Variants in FAT3 observed in about 807,000 individuals in gnomAD.
FAT3 encodes protocadherin Fat 3.
In FAT3, 95 loss-of-function variants were observed where a neutral mutation model predicts 310.2. The observed-to-expected ratio is 0.31, with a 90% CI of 0.26 to 0.36. The LOEUF is 0.36. FAT3 is among the 10% of genes least tolerant of loss of function. The pLI, the probability that FAT3 is intolerant of heterozygous loss-of-function variation, is 1.00. For synonymous variants in FAT3, 2,314 were observed against 2,192.9 expected, an observed-to-expected ratio of 1.06 and a Z score of -1.54; for missense variants, 5,408 against 5,715.6, an observed-to-expected ratio of 0.95 and a Z score of 1.74.
At chr11:92,693,639 A>T (rs762728449) in intron 3 of FAT3, among the ~76,000 whole-genome samples, 1 of 152,186 alleles carries the variant, frequency 6.6e-6, no homozygotes, top group African/African-American at 2.4e-5. Flanking sequence ...CTGACTGTAA[A>T]AAATGGCAGT....
At chr11:92,330,061 A>G (rs1947872739) in intron 1 of FAT3, among the ~76,000 whole-genome samples, 1 of 152,184 alleles carries the variant, frequency 6.6e-6, no homozygotes, top group Non-Finnish European at 1.5e-5. Flanking sequence ...AAGAAAGCTA[A>G]CAGACAAACC....
chr11:92,576,084 G>A (rs1408797836), intron 3 of FAT3, among the ~76,000 whole-genome samples: 1 of 152,140 alleles, frequency 6.6e-6, no homozygotes, highest in Non-Finnish European at 1.5e-5. Flanking sequence ...GGCAATTGCT[G>A]AGGCCTGGGA....
chr11:92,799,880 G>A lies in FAT3; in HGVS notation c.6867G>A (p.Gln2289=). 3 of 1,613,098 alleles carry A rather than the reference G, an allele frequency of 1.9e-6. No individual in the cohort carries two copies. Among genetic ancestry groups the A allele is most frequent in the Non-Finnish European group, 2.5e-6 (3 of 1,179,530 alleles). The change falls in exon 10 of 28, where the codon CAG becomes CAA. Residue 2289 remains glutamine, a synonymous_variant. Coordinates refer to ENST00000525166, the MANE Select transcript of FAT3 (RefSeq NM_001367949.2). ...DVNDNPPIFD[Q]PTYNTTLSEA... is the part of the protein sequence containing the mutation. ...ATGACAACCCCCCTATTTTCGATCA[G>A]CCTACATACAATACAACACTATCAG... is the stretch of plus-strand genomic sequence containing the variant.
intron 4 of FAT3, among the ~76,000 whole-genome samples, chr11:92,753,796 GTGTA>G (rs1591686343): frequency 9.7e-6 from 1 of 102,616 alleles, no homozygotes; most frequent in Non-Finnish European, 1.9e-5. Flanking sequence ...GTGTGTGTGT[GTGTA>G]TATATATATG....
chr11:92,618,135 T>C (rs1940904840), intron 3 of FAT3, among the ~76,000 whole-genome samples: 1 of 152,212 alleles, frequency 6.6e-6, no homozygotes, highest in Non-Finnish European at 1.5e-5. Flanking sequence ...CTCCACCCAG[T>C]TCGAGCTTCC....
chr11:92,778,522 C>G (rs1251642263), intron 7 of FAT3, among the ~76,000 whole-genome samples: 2 of 152,182 alleles, frequency 1.3e-5, no homozygotes, highest in Non-Finnish European at 2.9e-5. Flanking sequence ...CCTAATTGTA[C>G]AAACAACTTA....
At chr11:92,865,524 G>A (rs1001255209) in intron 21 of FAT3, among the ~76,000 whole-genome samples, 1 of 152,164 alleles carries the variant, frequency 6.6e-6, no homozygotes, top group South Asian at 2.1e-4. Context: ...TGACTCAGAC[G>A]CTGGCCTCCA....
At chr11:92,554,410 C>T (rs182607897) in intron 3 of FAT3, among the ~76,000 whole-genome samples, 2 of 127,932 alleles carry the variant, frequency 1.6e-5, no homozygotes, top group African/African-American at 6.1e-5. Flanking sequence ...TGCAGTGAGC[C>T]GAGATTGCGC....
In FAT3 at chr11:92,353,414, A is replaced by G; in HGVS notation, c.1302A>G (p.Pro434=). Residue 434 remains proline (P), a synonymous_variant, in exon 2 of 28, where the codon CCA becomes CCG. Coordinates refer to ENST00000525166, the MANE Select transcript of FAT3 (RefSeq NM_001367949.2). Reference sequence around the variant, plus strand: ...CGGGTCTGATTGTTACAGCACGGCCACTGAATACTGTTAAGAAGGAGGTTT... The same window carrying G: ...CGGGTCTGATTGTTACAGCACGGCCGCTGAATACTGTTAAGAAGGAGGTTT... The part of the protein sequence containing the change: ...PRSGLIVTAR[P]LNTVKKEVYK... The G allele has an allele frequency of 6.2e-7, 1 of 1,613,564 alleles. No individual in the cohort carries two copies. Among genetic ancestry groups the G allele is most frequent in the Non-Finnish European group, 8.5e-7 (1 of 1,179,788 alleles).
At chr11:92,826,155 G>A (rs1948099221) in intron 13 of FAT3, among the ~76,000 whole-genome samples, 1 of 152,144 alleles carries the variant, frequency 6.6e-6, no homozygotes, top group African/African-American at 2.4e-5. Flanking sequence ...TCTCCTGCAA[G>A]AAAGACAGAA....
rs368210310 is a variant in FAT3 at position 92,353,900 on chromosome 11, C to T, written c.1788C>T (p.His596=). The T allele has an allele frequency of 8.1e-6, 13 of 1,612,886 alleles. No homozygotes were observed. The Admixed American group carries it at 1.3e-4, about 17-fold the overall frequency. ...VISYDFPVGG[H]ITAVSAIDID... is the part of the protein sequence containing the mutation. ...CATATGACTTTCCAGTTGGTGGTCA[C>T]ATCACAGCAGTCTCAGCGATCGATA... The change falls in exon 2 of 28, where the codon CAC becomes CAT. Residue 596 remains histidine, a synonymous_variant. Coordinates refer to ENST00000525166, the MANE Select transcript of FAT3 (RefSeq NM_001367949.2).
chr11:92,286,144 C>G (rs781322767), intron 1 of FAT3, among the ~76,000 whole-genome samples: 2 of 152,112 alleles, frequency 1.3e-5, no homozygotes, highest in African/African-American at 2.4e-5. Flanking sequence ...GAAACTCTCC[C>G]CAGTTTTGGC....
chr11:92,457,929 AAAAT>A (rs1406705967), intron 2 of FAT3, among the ~76,000 whole-genome samples: 1 of 152,184 alleles, frequency 6.6e-6, no homozygotes, highest in Non-Finnish European at 1.5e-5. Flanking sequence ...CTCAAAAAAC[AAAAT>A]AAATAAATAA....
chr11:92,872,255 G>T (rs539085224), intron 22 of FAT3, among the ~76,000 whole-genome samples: 7 of 152,296 alleles, frequency 4.6e-5, no homozygotes, highest in African/African-American at 1.7e-4. Context: ...CTTTAATTAA[G>T]TACCTCCTTG....
At position 92,229,492 on chromosome 11, in the gene FAT3, G is replaced by GTTTTTTTTTT. The variant is rs780129800; in HGVS notation, c.-18+4323_-18+4332dup. 1.1e-3 allele frequency among the ~76,000 whole-genome samples: 65 copies of GTTTTTTTTTT among 60,230 alleles called. 8 individuals carry two copies. Among genetic ancestry groups the GTTTTTTTTTT allele is most frequent in the African/African-American group, 3.3e-3 (56 of 16,862 alleles). 39.5% of individuals were successfully genotyped at this position (60,230 alleles called of 152,430 possible). On this transcript the variant is annotated intron_variant, in intron 1 of 27. Transcript: ENST00000525166. ...TTGTTTTCTTTTTTTGTTTTTTCGT[G>GTTTTTTTTTT]TTTTTTTTTTTTTTGTTTTTTGTTT...
intron 3 of FAT3, among the ~76,000 whole-genome samples, chr11:92,622,161 G>A (rs140202861): frequency 4.7e-4 from 71 of 152,136 alleles, no homozygotes; most frequent in African/African-American, 1.7e-3. Flanking sequence ...TGGTGCGCCT[G>A]TAATCCCAGC....
chr11:92,397,407 T>C (rs1311077821), intron 2 of FAT3, among the ~76,000 whole-genome samples: 1 of 152,170 alleles, frequency 6.6e-6, no homozygotes, highest in Non-Finnish European at 1.5e-5. Flanking sequence ...ATGGGTCCCC[T>C]AAGGTTCGCT....
At chr11:92,489,415 T>C (rs1398705185) in intron 2 of FAT3, among the ~76,000 whole-genome samples, 3 of 152,156 alleles carry the variant, frequency 2.0e-5, no homozygotes, top group African/African-American at 7.2e-5. Context: ...TCCCCGAATG[T>C]ACTTATCCTT....
At chr11:92,765,526 G>T (rs1246510192) in intron 6 of FAT3, among the ~76,000 whole-genome samples, 6 of 151,938 alleles carry the variant, frequency 3.9e-5, no homozygotes. Flanking sequence ...ATGCTCGAGA[G>T]ATGTTCTATA....
Sources: allele counts gnomAD v4.1 joint callset (sites outside exome capture counted in the v4.1 genomes callset), GRCh38; gene constraint gnomAD v4.1.1; transcripts MANE v1.5; gene names NCBI Gene and HGNC (gene_info 2026-07-23, HGNC 2026-07-21).